Variants in CARMIL1 observed in about 807,000 individuals in gnomAD.
CARMIL1 encodes capping protein regulator and myosin 1 linker 1, also known as F-actin-uncapping protein LRRC16A.
Under a neutral mutation model 177.1 loss-of-function variants are expected in CARMIL1, and 90 were observed. That is an observed-to-expected ratio of 0.51 (90% CI 0.43 to 0.61). The LOEUF (loss-of-function observed/expected upper bound fraction) is 0.61. CARMIL1 is among the 20% of genes least tolerant of loss of function. The pLI, the probability that CARMIL1 is intolerant of heterozygous loss-of-function variation, is 0.00. For synonymous variants in CARMIL1, 577 were observed against 606.2 expected, an observed-to-expected ratio of 0.95 and a Z score of 0.71; for missense variants, 1,380 against 1,667.0, an observed-to-expected ratio of 0.83 and a Z score of 3.00.
chr6:25,369,387 T>TG (rs2150426029), intron 2 of CARMIL1, among the ~76,000 whole-genome samples: 1 of 151,804 alleles, frequency 6.6e-6, no homozygotes, highest in Admixed American at 6.6e-5. Flanking sequence ...TTGTTTTTTT[T>TG]TTTTTTTTTT....
chr6:25,401,293 C>A (rs572927719), intron 2 of CARMIL1, among the ~76,000 whole-genome samples: 219 of 151,868 alleles, frequency 1.4e-3, no homozygotes, highest in African/African-American at 5.1e-3. Flanking sequence ...CACACACACA[C>A]AAAATGTATA....
At position 25,515,677 on chromosome 6, in the gene CARMIL1, T is replaced by G. The variant is rs762227216; in HGVS notation, c.1635T>G (p.Pro545=). 6.2e-7 allele frequency: 1 copy of G among 1,600,438 alleles called. No individual in the cohort carries two copies. Among genetic ancestry groups the G allele is most frequent in the South Asian group, 1.1e-5 (1 of 88,038 alleles). The change falls in exon 21 of 37, where the codon CCT becomes CCG. Residue 545 remains proline, a splice_region_variant and synonymous_variant. Transcript: ENST00000329474. The surrounding 1 kb of genome is among the most constrained non-coding windows in gnomAD (Gnocchi z 5.0). ...GCCGTGTGTCATTTGCTCCGCAGCCTCTGCAGTCCTTGTCCCTGGCTGACT... is the reference window on the plus strand; with the variant it reads ...GCCGTGTGTCATTTGCTCCGCAGCCGCTGCAGTCCTTGTCCCTGGCTGACT... ...LVQMIQDEES[P]LQSLSLADSK... is the part of the protein sequence containing the mutation.
chr6:25,281,761 G>A (rs1273896239), intron 1 of CARMIL1, among the ~76,000 whole-genome samples: 1 of 151,972 alleles, frequency 6.6e-6, no homozygotes, highest in Non-Finnish European at 1.5e-5. Flanking sequence ...TCAAAATGGC[G>A]ACCGACCACA....
chr6:25,376,939 G>T (rs1791043658), intron 2 of CARMIL1, among the ~76,000 whole-genome samples: 1 of 152,156 alleles, frequency 6.6e-6, no homozygotes, highest in Non-Finnish European at 1.5e-5. Context: ...TGCTAGGCCA[G>T]CAGGAAAGTG....
chr6:25,450,670 C>T lies in CARMIL1; in HGVS notation c.573C>T (p.Thr191=), dbSNP rs1470576480. The change falls in exon 8 of 37, where the codon ACC becomes ACT. Residue 191 remains threonine, a synonymous_variant. Transcript: ENST00000329474. ...DVDTIYLTQD[T]RELNLQDFSH... ...ATACAATTTATCTTACCCAAGACACCAGGGAATTGAATTTACAAGATTTTA... is the reference window on the plus strand; with the variant it reads ...ATACAATTTATCTTACCCAAGACACTAGGGAATTGAATTTACAAGATTTTA... 1.2e-6 allele frequency: 2 copies of T among 1,606,238 alleles called. No individual in the cohort carries two copies. The highest frequency in any genetic ancestry group is 1.1e-5 in the South Asian group (1 of 89,894).
rs568924222 is a variant in CARMIL1 at position 25,332,928 on chromosome 6, C to G, written c.138+48019C>G. 1.3e-5 allele frequency among the ~76,000 whole-genome samples: 2 copies of G among 152,130 alleles called. 1 individual carries two copies. The highest frequency in any genetic ancestry group is 4.2e-4 in the South Asian group (2 of 4,816). ...TAGTCTCCTGGCCACAGTGATTAGTCCAGGGGGTGGACATATGACCCAAGA... is the reference window on the plus strand; with the variant it reads ...TAGTCTCCTGGCCACAGTGATTAGTGCAGGGGGTGGACATATGACCCAAGA... On this transcript the variant is annotated intron_variant, in intron 2 of 36. Coordinates refer to ENST00000329474, the MANE Select transcript of CARMIL1 (RefSeq NM_017640.6).
intron 2 of CARMIL1, among the ~76,000 whole-genome samples, chr6:25,306,884 T>C (rs1783314739): frequency 6.7e-6 from 1 of 148,862 alleles, no homozygotes; most frequent in Non-Finnish European, 1.5e-5. Flanking sequence ...CTTGGCTTTT[T>C]TTTTTTTTTT....
At chr6:25,578,318 T>A (rs370136168) in intron 29 of CARMIL1, among the ~76,000 whole-genome samples, 41 of 152,242 alleles carry the variant, frequency 2.7e-4, no homozygotes, top group African/African-American at 9.6e-4. Flanking sequence ...AAAGTCAGAT[T>A]GTTTTCTTTT....
At chr6:25,568,700 A>C (rs1811787143) in intron 29 of CARMIL1, among the ~76,000 whole-genome samples, 1 of 152,186 alleles carries the variant, frequency 6.6e-6, no homozygotes, top group African/African-American at 2.4e-5. Context: ...TTTTCTGAAA[A>C]AGATTTCAGA....
rs572357066 is a variant in CARMIL1 at position 25,384,130 on chromosome 6, C to T, written c.139-35984C>T. Among the ~76,000 whole-genome samples the T allele has an allele frequency of 3.9e-5, 6 of 152,316 alleles. No homozygotes were observed. In the East Asian group the frequency reaches 5.8e-4, roughly 15 times the overall value. The stretch of plus-strand genomic sequence containing the variant: ...CTGGGATTACAGGCGTGAGCCACCG[C>T]GCCCGGCTGGTTTTTAAGACATGAA... On this transcript the variant is annotated intron_variant, in intron 2 of 36. Coordinates refer to ENST00000329474, the MANE Select transcript of CARMIL1 (RefSeq NM_017640.6).
chr6:25,300,483 A>G (rs1782768535), intron 2 of CARMIL1, among the ~76,000 whole-genome samples: 2 of 150,704 alleles, frequency 1.3e-5, no homozygotes, highest in African/African-American at 4.9e-5. Flanking sequence ...CCTGGCCAAC[A>G]TGGCAAACTC....
At chr6:25,324,984 C>T (rs1050536758) in intron 2 of CARMIL1, among the ~76,000 whole-genome samples, 3 of 151,898 alleles carry the variant, frequency 2.0e-5, no homozygotes, top group African/African-American at 7.3e-5. Flanking sequence ...CCATGCAGAG[C>T]CTCTTAGGTC....
chr6:25,300,204 T>G (rs778334898), intron 2 of CARMIL1, among the ~76,000 whole-genome samples: 6 of 152,232 alleles, frequency 3.9e-5, no homozygotes, highest in Non-Finnish European at 7.3e-5. Context: ...GCATTTAAAA[T>G]GCTTATTTTT....
chr6:25,292,698 C>T (rs557562503), intron 2 of CARMIL1, among the ~76,000 whole-genome samples: 33 of 152,220 alleles, frequency 2.2e-4, no homozygotes, highest in Admixed American at 9.2e-4. Context: ...ACACCAGGCT[C>T]GGTGTAACTT....
At chr6:25,348,084 A>G (rs1759916167) in intron 2 of CARMIL1, among the ~76,000 whole-genome samples, 1 of 152,132 alleles carries the variant, frequency 6.6e-6, no homozygotes, top group South Asian at 2.1e-4. Flanking sequence ...TTAAGTTCCT[A>G]CTGCAGATTT....
chr6:25,338,449 T>C (rs190228979), intron 2 of CARMIL1, among the ~76,000 whole-genome samples: 1 of 152,192 alleles, frequency 6.6e-6, no homozygotes, highest in East Asian at 1.9e-4. Context: ...TGTCAGATCA[T>C]AGTCCTCATT....
intron 1 of CARMIL1, among the ~76,000 whole-genome samples, chr6:25,284,566 G>A (rs552274939): frequency 6.6e-6 from 1 of 152,212 alleles, no homozygotes; most frequent in South Asian, 2.1e-4. Context: ...AAAATTAGCC[G>A]GACCTGGTGG....
chr6:25,442,124 T>C (rs996237675), intron 5 of CARMIL1, among the ~76,000 whole-genome samples: 34 of 151,922 alleles, frequency 2.2e-4, no homozygotes, highest in African/African-American at 7.3e-4. Flanking sequence ...CCATGTTGCA[T>C]AGGCTGAGCA....
rs570856115 is a variant in CARMIL1, at chr6:25,465,057, G to A, written c.615-816G>A. On this transcript the variant is annotated intron_variant, in intron 8 of 36. Coordinates refer to ENST00000329474, the MANE Select transcript of CARMIL1 (RefSeq NM_017640.6). The stretch of plus-strand genomic sequence containing the variant: ...GGGCTATCTTATGGATGCAGTCACT[G>A]CTAAGAACTAAAGCAAAAAAAAAAA... 4.7e-5 allele frequency among the ~76,000 whole-genome samples: 6 copies of A among 126,440 alleles called. 1 individual carries two copies. Among genetic ancestry groups the A allele is most frequent in the South Asian group, 5.1e-4 (2 of 3,904 alleles). 82.9% of individuals were successfully genotyped at this position (126,440 alleles called of 152,430 possible).
Sources: allele counts gnomAD v4.1 joint callset (sites outside exome capture counted in the v4.1 genomes callset), GRCh38; gene constraint gnomAD v4.1.1; non-coding constraint Gnocchi (gnomAD v3.1); transcripts MANE v1.5; gene names NCBI Gene and HGNC (gene_info 2026-07-23, HGNC 2026-07-21).